The following PKP4 variants were observed in gnomAD, a reference collection of about 807,000 sequenced individuals.
PKP4 encodes the protein plakophilin-4.
Under a neutral mutation model 145.1 loss-of-function variants are expected in PKP4, and 90 were observed. The observed-to-expected ratio is 0.62, with a 90% CI of 0.52 to 0.74. The LOEUF (loss-of-function observed/expected upper bound fraction) is 0.74. PKP4 is among the 30% of genes least tolerant of loss of function. The pLI, the probability that PKP4 is intolerant of heterozygous loss-of-function variation, is 0.00. For synonymous variants in PKP4, 563 were observed against 577.2 expected (o/e 0.98, Z 0.35); for missense variants, 1,340 against 1,482.7 (o/e 0.90, Z 1.58).
Position 158,673,732 on chromosome 2 carries a change from T to C in PKP4, c.2980T>C (p.Tyr994His), listed in dbSNP as rs752250001. The change falls in exon 18 of 22, where the codon TAT becomes CAT. Residue 994 changes from tyrosine (Y) to histidine (H), a missense_variant. Physicochemically the swap from Tyr to His is moderately conservative, Grantham distance 83 (BLOSUM62 2). Transcript: ENST00000389759. ...AAQVLNTLWQ[Y>H]RDLRSIYKKD... ...CCAGGTCTTGAATACATTATGGCAA[T>C]ATCGGGACCTCCGGAGCATTTATAA... 5 of 1,613,022 alleles carry C rather than the reference T, an allele frequency of 3.1e-6. No individual in the cohort carries two copies. In the South Asian group the frequency reaches 5.5e-5, roughly 18 times the overall value.
At chr2:158,658,530 A>G (rs900643344) in intron 12 of PKP4, 7 of 437,108 alleles carry the variant, frequency 1.6e-5, no homozygotes, top group Middle Eastern at 1.2e-3. Flanking sequence ...CTCTTCTGTG[A>G]CTTACTCAGA....
chr2:158,628,822 C>G (rs552508762), intron 7 of PKP4, among the ~76,000 whole-genome samples: 1 of 152,250 alleles, frequency 6.6e-6, no homozygotes, highest in Non-Finnish European at 1.5e-5. Context: ...CATCCCTGTG[C>G]AGTAGTGGGA....
At chr2:158,629,734 A>G (rs2053168090) in intron 7 of PKP4, among the ~76,000 whole-genome samples, 1 of 151,068 alleles carries the variant, frequency 6.6e-6, no homozygotes, top group African/African-American at 2.4e-5. Flanking sequence ...TTTTTGAGAC[A>G]GACTCTGTCT....
At position 158,493,099 on chromosome 2, in the gene PKP4, G is replaced by T. The variant is rs534638099; in HGVS notation, c.-6+35881G>T. Among the ~76,000 whole-genome samples, 29 of 151,886 alleles carry T rather than the reference G, an allele frequency of 1.9e-4. No homozygotes were observed. The South Asian group carries it at 6.0e-3, about 32-fold the overall frequency. ...AGAAGTATATACTTTCAGTTACTTT[G>T]TCTATTTCTTCTGATACTCATCTCC... On this transcript the variant is annotated intron_variant, in intron 1 of 21. Coordinates refer to ENST00000389759, the MANE Select transcript of PKP4 (RefSeq NM_003628.6).
intron 2 of PKP4, among the ~76,000 whole-genome samples, chr2:158,576,817 A>C (rs2105781772): frequency 1.5e-5 from 1 of 68,740 alleles, no homozygotes; most frequent in Non-Finnish European, 4.2e-5. Context: ...TAATTAAAAG[A>C]CTATATCAAA....
chr2:158,534,630 A>G (rs1436205821), intron 2 of PKP4, among the ~76,000 whole-genome samples: 1 of 152,214 alleles, frequency 6.6e-6, no homozygotes, highest in Non-Finnish European at 1.5e-5. Context: ...TGTTTTGGTG[A>G]AACGTGGTAA....
chr2:158,542,941 G>C (rs1213611603), intron 2 of PKP4, among the ~76,000 whole-genome samples: 1 of 152,124 alleles, frequency 6.6e-6, no homozygotes, highest in East Asian at 1.9e-4. Flanking sequence ...CAATTATTGA[G>C]TACTTACTAT....
chr2:158,487,249 T>A (rs1694300179), intron 1 of PKP4, among the ~76,000 whole-genome samples: 2 of 152,208 alleles, frequency 1.3e-5, no homozygotes, highest in Admixed American at 6.5e-5. Context: ...AATTTTTAAC[T>A]GGCACAAAGC....
chr2:158,647,362 A>G (rs2054930589), intron 11 of PKP4, among the ~76,000 whole-genome samples: 1 of 152,158 alleles, frequency 6.6e-6, no homozygotes, highest in African/African-American at 2.4e-5. Flanking sequence ...TGCCCTTGAA[A>G]CTAGGAATTC....
chr2:158,592,899 T>A (rs1476120714), intron 3 of PKP4, among the ~76,000 whole-genome samples: 1 of 152,180 alleles, frequency 6.6e-6, no homozygotes, highest in Non-Finnish European at 1.5e-5. Flanking sequence ...TATCCCAGCG[T>A]GTCTCTTACT....
rs566651404 is a variant in PKP4 at position 158,576,342 on chromosome 2, A to G, written c.133-929A>G. ...CATATGTCTGGTATTTTGAACTAGC[A>G]GTCATCAAATTAAACTACTTACAGT... is the stretch of plus-strand genomic sequence containing the variant. On this transcript the variant is annotated intron_variant, in intron 2 of 21. Transcript: ENST00000389759. Among the ~76,000 whole-genome samples, 69 of 152,360 alleles carry G rather than the reference A, an allele frequency of 4.5e-4. No individual in the cohort carries two copies. The East Asian group carries it at 0.011, about 24-fold the overall frequency.
rs773466045 is a variant in PKP4, at chr2:158,673,960, G to A, written c.3087G>A (p.Leu1029=). The stretch of plus-strand genomic sequence containing the variant: ...ACCGATTCAAATCACATCCTTCCTT[G>A]TCTACCACCAACCAACAGATGTCAC... ...ERDRFKSHPS[L]STTNQQMSPI... is the part of the protein sequence containing the mutation. Residue 1029 remains leucine (L), a synonymous_variant, in exon 19 of 22, where the codon TTG becomes TTA. Transcript: ENST00000389759. 1 of 1,611,988 alleles carries A rather than the reference G, an allele frequency of 6.2e-7. No individual in the cohort carries two copies.
chr2:158,556,493 A>T (rs192961093), intron 2 of PKP4, among the ~76,000 whole-genome samples: 26 of 151,350 alleles, frequency 1.7e-4, no homozygotes, highest in Admixed American at 1.6e-3. Flanking sequence ...AAATACGGAT[A>T]GATAAATGAA....
intron 2 of PKP4, among the ~76,000 whole-genome samples, chr2:158,543,043 G>A (rs1185977949): frequency 6.6e-6 from 1 of 152,072 alleles, no homozygotes; most frequent in Non-Finnish European, 1.5e-5. Flanking sequence ...AATCTTTCAG[G>A]TTATTTTGGT....
chr2:158,616,470 GT>G (rs1429115948), intron 4 of PKP4, among the ~76,000 whole-genome samples: 1 of 131,044 alleles, frequency 7.6e-6, no homozygotes, highest in Non-Finnish European at 1.6e-5. Flanking sequence ...TAACACAACA[GT>G]TTCTACTCAT....
chr2:158,554,429 A>ATTAT (rs1553573064), intron 2 of PKP4, among the ~76,000 whole-genome samples: 40,004 of 140,938 alleles, frequency 0.28, 6,528 homozygotes, highest in East Asian at 0.6. Flanking sequence ...TATTATTATT[A>ATTAT]TTTTTTTTTT....
intron 16 of PKP4, among the ~76,000 whole-genome samples, chr2:158,667,271 C>T (rs2057182789): frequency 6.6e-6 from 1 of 152,198 alleles, no homozygotes; most frequent in Admixed American, 6.5e-5. Flanking sequence ...ACCTGAGCTT[C>T]GTTCCCAGGA....
chr2:158,464,766 C>T (rs1248892100), intron 1 of PKP4, among the ~76,000 whole-genome samples: 2 of 152,126 alleles, frequency 1.3e-5, no homozygotes, highest in African/African-American at 2.4e-5. Flanking sequence ...ACACCTGTAC[C>T]CTGAGTTGAG....
At chr2:158,646,719 T>A (rs919933487) in intron 11 of PKP4, among the ~76,000 whole-genome samples, 1 of 152,160 alleles carries the variant, frequency 6.6e-6, no homozygotes, top group Non-Finnish European at 1.5e-5. Flanking sequence ...CGTCTTTAAT[T>A]GTAGCACAGG....
Sources: allele counts gnomAD v4.1 joint callset (sites outside exome capture counted in the v4.1 genomes callset), GRCh38; gene constraint gnomAD v4.1.1; transcripts MANE v1.5; gene names NCBI Gene and HGNC (gene_info 2026-07-23, HGNC 2026-07-21).